Variants in IGF2R observed in about 807,000 individuals in gnomAD.
IGF2R encodes the protein cation-independent mannose-6-phosphate receptor.
IGF2R carries 91 observed loss-of-function variants against 270.6 expected under a neutral mutation model. That is an observed-to-expected ratio of 0.34 (90% confidence interval 0.28 to 0.40). The LOEUF (loss-of-function observed/expected upper bound fraction) is 0.40, where lower values mean the gene tolerates loss of function less well. IGF2R is among the 10% of genes least tolerant of loss of function. The pLI is 1.00. For synonymous variants in IGF2R, 1,316 were observed against 1,258.9 expected (o/e 1.05, Z -0.96); for missense variants, 2,805 against 3,188.3 (o/e 0.88, Z 2.90).
chr6:160,041,248 C>G (rs921049808), intron 11 of IGF2R, among the ~76,000 whole-genome samples: 6 of 144,236 alleles, frequency 4.2e-5, no homozygotes, highest in Non-Finnish European at 9.2e-5. Context: ...CAGGGATAAT[C>G]TGATGGGGGG....
At chr6:159,986,422 GTGTGTGTGTTTTTTTTT>G (rs1490937827) in intron 1 of IGF2R, among the ~76,000 whole-genome samples, 1 of 110,992 alleles carries the variant, frequency 9.0e-6, no homozygotes, top group Non-Finnish European at 1.8e-5. Flanking sequence ...GTGTGTGTGT[GTGTGTGTGTTTTTTTTT>G]TTTTTTTAAG....
At position 160,070,077 on chromosome 6, in the gene IGF2R, A is replaced by C; in HGVS notation, c.4443+19A>C. ...CCAAGTGGTAAGGGACTGTTCCTGC[A>C]CCTTCTGCTGTTGCAGCTTTGGGAA... is the stretch of plus-strand genomic sequence containing the variant. On this transcript the variant is annotated intron_variant, in intron 31 of 47. Transcript: ENST00000356956. 1 of 1,611,522 alleles carries C rather than the reference A, an allele frequency of 6.2e-7. No individual in the cohort carries two copies. The highest frequency in any genetic ancestry group is 8.5e-7 in the Non-Finnish European group (1 of 1,177,956).
rs369435587 is a variant in IGF2R, at chr6:160,089,865, A to G, written c.6468-51A>G. 205 of 1,324,818 alleles carry G rather than the reference A, an allele frequency of 1.5e-4. No individual in the cohort carries two copies. The African/African-American group carries it at 2.8e-3, about 18-fold the overall frequency. The allele number at this position is 1,324,818 out of a possible 1,614,324, so 82.1% of individuals were successfully genotyped here. On this transcript the variant is annotated intron_variant, in intron 43 of 47. Transcript: ENST00000356956. ...TGAGGACTGAGGGTTTATGTCATGAATGCCTTCTTGAAGGACTTCCATGTC... is the reference window on the plus strand; with the variant it reads ...TGAGGACTGAGGGTTTATGTCATGAGTGCCTTCTTGAAGGACTTCCATGTC...
At chr6:160,089,050 G>C in intron 42 of IGF2R, 57 bp from the exon 43 acceptor site, 1 of 1,569,148 alleles carries the variant, frequency 6.4e-7, no homozygotes, top group Non-Finnish European at 8.7e-7. Context: ...TTGTTTTGCA[G>C]TCTTCCCTTA....
intron 47 of IGF2R, 110 bp downstream of exon 47, chr6:160,103,925 G>A: frequency 1.4e-6 from 1 of 696,938 alleles, no homozygotes; most frequent in South Asian, 1.7e-5. Context: ...CAGGCTGACT[G>A]GAATCCAGAA....
intron 2 of IGF2R, chr6:160,003,885 GGTAA>G (rs1784169407): frequency 1.3e-5 from 2 of 151,800 alleles, no homozygotes; most frequent in African/African-American, 4.8e-5. Context: ...TATTAAATAG[GGTAA>G]GTGTCACTGA....
intron 44 of IGF2R, 107 bp downstream of exon 44, chr6:160,090,210 C>G (rs1174117428): frequency 1.3e-6 from 1 of 747,236 alleles, no homozygotes; most frequent in Non-Finnish European, 2.0e-6. Context: ...ACTTTTAAAA[C>G]AAAAACCTTG....
intron 26 of IGF2R, among the ~76,000 whole-genome samples, chr6:160,063,099 G>A (rs896415911): frequency 3.4e-5 from 5 of 148,702 alleles, no homozygotes; most frequent in African/African-American, 1.2e-4. Flanking sequence ...GTGTAATGGC[G>A]CCATCTCGGC....
At chr6:160,008,124 G>T (rs1784275355) in intron 2 of IGF2R, among the ~76,000 whole-genome samples, 1 of 152,164 alleles carries the variant, frequency 6.6e-6, no homozygotes, top group Non-Finnish European at 1.5e-5. Context: ...AGTTTGTGTT[G>T]GGCTGCATTC....
chr6:159,985,606 T>G (rs1435313772), intron 1 of IGF2R, among the ~76,000 whole-genome samples: 4 of 152,208 alleles, frequency 2.6e-5, no homozygotes, highest in Non-Finnish European at 5.9e-5. Context: ...GGGAAGACAT[T>G]ACTGTCCCAG....
chr6:160,006,061 C>T lies in IGF2R; in HGVS notation c.290-2949C>T, dbSNP rs113488527. 4.7e-3 allele frequency: 740 copies of T among 157,486 alleles called. 7 individuals are homozygous for T. The highest frequency in any genetic ancestry group is 0.017 in the African/African-American group (712 of 41,198). The allele number at this position is 157,486 out of a possible 1,614,324, so 9.8% of individuals were successfully genotyped here. ...CTCTCTGCCTATCCCCTGTACCACC[C>T]GGCATCCTCCGTGCCCCATGCGCCT... is the stretch of plus-strand genomic sequence containing the variant. On this transcript the variant is annotated intron_variant, in intron 2 of 47. Transcript: ENST00000356956.
At position 160,048,389 on chromosome 6, in the gene IGF2R, A is replaced by T; in HGVS notation, c.2360A>T (p.Glu787Val). 2.5e-6 allele frequency: 4 copies of T among 1,614,202 alleles called. No individual in the cohort carries two copies. Among genetic ancestry groups the T allele is most frequent in the Non-Finnish European group, 3.4e-6 (4 of 1,180,008 alleles). Residue 787 changes from glutamate to valine, a missense_variant, in exon 18 of 48, where the codon GAA becomes GTA. This residue lies in a region of IGF2R where 1,851 missense variants were observed against 2,207.2 expected (regional missense o/e 0.84). Coordinates refer to ENST00000356956, the MANE Select transcript of IGF2R (RefSeq NM_000876.4). ...TGAAATTTTAGTCTGGCAAAATCTGAAGGTGGCCTTGGAGGAAACTGGTAT... is the reference window on the plus strand; with the variant it reads ...TGAAATTTTAGTCTGGCAAAATCTGTAGGTGGCCTTGGAGGAAACTGGTAT... ...QYDLSSLAKSEGGLGGNWYAM... is the reference protein window; with the variant it reads ...QYDLSSLAKSVGGLGGNWYAM...
rs529310751 is a variant in IGF2R at position 160,091,463 on chromosome 6, G to T, written c.6655+1360G>T. 2.2e-4 allele frequency among the ~76,000 whole-genome samples: 34 copies of T among 152,304 alleles called. No individual in the cohort carries two copies. The South Asian group carries it at 6.6e-3, about 30-fold the overall frequency. On this transcript the variant is annotated intron_variant, in intron 44 of 47. Coordinates refer to ENST00000356956, the MANE Select transcript of IGF2R (RefSeq NM_000876.4). ...CACCTGATGGAGGGAAGCTGGGTCA[G>T]CATCGCTGCTCCTGGTCACAGATTG... is the stretch of plus-strand genomic sequence containing the variant.
chr6:160,054,155 G>A lies in IGF2R; in HGVS notation c.2695-2269G>A, dbSNP rs1778256974. Among the ~76,000 whole-genome samples the A allele has an allele frequency of 2.6e-5, 4 of 152,176 alleles. No individual in the cohort carries two copies. In the South Asian group the frequency reaches 8.3e-4, roughly 32 times the overall value. On this transcript the variant is annotated intron_variant, in intron 19 of 47. Coordinates refer to ENST00000356956, the MANE Select transcript of IGF2R (RefSeq NM_000876.4). ...AGGCCAGAAGCCAGAAACAAGCGCT[G>A]GGAGGGAGGAAGACTAAGACACGAA...
rs776232495 is a variant in IGF2R, at chr6:160,046,500, T to G, written c.1906T>G (p.Phe636Val). 42 of 1,604,676 alleles carry G rather than the reference T, an allele frequency of 2.6e-5. No homozygotes were observed. Among genetic ancestry groups the G allele is most frequent in the Non-Finnish European group, 3.3e-5 (39 of 1,177,820 alleles). ...NCTVFDSQAGFSFDLSPLTKK... is the reference protein window; with the variant it reads ...NCTVFDSQAGVSFDLSPLTKK... Reference sequence around the variant, plus strand: ...TTATTGTTTTTATTCTTTCTTAGGGTTTTCTTTTGACTTATCACCTCTCAC... The same window carrying G: ...TTATTGTTTTTATTCTTTCTTAGGGGTTTCTTTTGACTTATCACCTCTCAC... Residue 636 changes from phenylalanine to valine, a missense_variant and splice_region_variant, in exon 15 of 48, where the codon TTT becomes GTT. By Grantham distance (50) the Phe-to-Val change is conservative. Transcript: ENST00000356956.
rs200607852 is a variant in IGF2R at position 160,068,239 on chromosome 6, T to A, written c.4116-10T>A. Reference sequence around the variant, plus strand: ...CAAGCCTAACTAACTGCGGGTTTTCTTCTTTTCAGAGATGGGGCTGGCAAC... The same window carrying A: ...CAAGCCTAACTAACTGCGGGTTTTCATCTTTTCAGAGATGGGGCTGGCAAC... On this transcript the variant is annotated splice_polypyrimidine_tract_variant and intron_variant, in intron 29 of 47. Transcript: ENST00000356956. The A allele has an allele frequency of 3.3e-5, 54 of 1,614,092 alleles. No individual in the cohort carries two copies. The highest frequency in any genetic ancestry group is 4.3e-5 in the Non-Finnish European group (51 of 1,179,930).
intron 29 of IGF2R, among the ~76,000 whole-genome samples, chr6:160,066,488 T>C (rs909330224): frequency 6.6e-6 from 1 of 152,166 alleles, no homozygotes; most frequent in African/African-American, 2.4e-5. Context: ...TTTTTAAAAG[T>C]AGAATTAAAT....
intron 6 of IGF2R, among the ~76,000 whole-genome samples, chr6:160,027,934 C>T (rs1777598759): frequency 6.6e-6 from 1 of 152,052 alleles, no homozygotes; most frequent in Non-Finnish European, 1.5e-5. Context: ...TTGCTCTAGT[C>T]TGGAGCTCGT....
intron 9 of IGF2R, among the ~76,000 whole-genome samples, chr6:160,034,048 A>G (rs987152558): frequency 1.2e-4 from 18 of 152,378 alleles, no homozygotes; most frequent in African/African-American, 4.3e-4. Flanking sequence ...GTTCAGGATC[A>G]GTATAGTCCA....
Sources: gnomAD v4.1 joint callset for allele counts (sites outside exome capture counted in the v4.1 genomes callset) on GRCh38, gnomAD v4.1.1 for gene constraint, gnomAD v4.1.1 regional missense constraint, MANE v1.5 for transcripts, NCBI Gene and HGNC (gene_info 2026-07-23, HGNC 2026-07-21) for gene names.